Variants in PTPRF observed in about 807,000 individuals in gnomAD.
PTPRF encodes the protein protein tyrosine phosphatase receptor type F.
In PTPRF, 59 loss-of-function variants were observed where a neutral mutation model predicts 201.8. The ratio of observed to expected loss-of-function variants is 0.29; its 90% CI spans 0.24 to 0.36. The LOEUF is 0.36. PTPRF is among the 10% of genes least tolerant of loss of function. The pLI, the probability that PTPRF is intolerant of heterozygous loss-of-function variation, is 1.00. For missense variants in PTPRF, 2,132 were observed against 2,690.5 expected (o/e 0.79, Z 4.59); for synonymous variants, 1,088 against 1,089.7 (o/e 1.00, Z 0.03).
rs750321259 is a variant in PTPRF, at chr1:43,602,065, G to C, written c.2314-6G>C. 3 of 1,612,742 alleles carry C rather than the reference G, an allele frequency of 1.9e-6. No individual in the cohort carries two copies. The highest frequency in any genetic ancestry group is 2.2e-5 in the South Asian group (2 of 91,060). On this transcript the variant is annotated splice_region_variant and splice_polypyrimidine_tract_variant and intron_variant, in intron 13 of 33. Transcript: ENST00000359947. Reference sequence around the variant, plus strand: ...GTCTCCCTTTCTCTCCCTCTCCCGCGGTCAGTGGCGGCCAGAGGAGTCCGA... The same window carrying C: ...GTCTCCCTTTCTCTCCCTCTCCCGCCGTCAGTGGCGGCCAGAGGAGTCCGA...
chr1:43,555,730 C>T (rs911489647), intron 5 of PTPRF, among the ~76,000 whole-genome samples: 6 of 152,194 alleles, frequency 3.9e-5, no homozygotes, highest in Non-Finnish European at 7.3e-5. Flanking sequence ...AGGCGTGAGC[C>T]ACCACGTCCA....
chr1:43,609,958 A>G (rs1570630232), intron 22 of PTPRF, among the ~76,000 whole-genome samples: 1 of 152,188 alleles, frequency 6.6e-6, no homozygotes, highest in East Asian at 1.9e-4. Context: ...CAGGTTTACC[A>G]TACCACGTAC....
At chr1:43,565,057 T>G (rs1051684185) in intron 5 of PTPRF, among the ~76,000 whole-genome samples, 1 of 151,828 alleles carries the variant, frequency 6.6e-6, no homozygotes, top group Non-Finnish European at 1.5e-5. Flanking sequence ...TCCCACCACC[T>G]TCCCCCACAA....
intron 5 of PTPRF, among the ~76,000 whole-genome samples, chr1:43,557,328 G>T (rs1168408462): frequency 1.3e-5 from 2 of 152,186 alleles, no homozygotes; most frequent in African/African-American, 4.8e-5. Context: ...GGGTGAGGAG[G>T]ACGGACTTCA....
intron 5 of PTPRF, among the ~76,000 whole-genome samples, chr1:43,555,785 C>G (rs10890253): frequency 0.71 from 108,473 of 152,066 alleles, 39,189 homozygotes; most frequent in Non-Finnish European, 0.78. Flanking sequence ...CTGTCACATG[C>G]AAGTACCCTA....
At chr1:43,528,122 G>T (rs1570816390), upstream of PTPRF, among the ~76,000 whole-genome samples, 1 of 152,210 alleles carries the variant, frequency 6.6e-6, no homozygotes, top group Admixed American at 6.5e-5. Flanking sequence ...CTTCCTGGAG[G>T]AAACAATGGT....
intron 5 of PTPRF, among the ~76,000 whole-genome samples, chr1:43,557,172 G>T (rs1048701041): frequency 6.6e-6 from 1 of 152,326 alleles, no homozygotes; most frequent in East Asian, 1.9e-4. Flanking sequence ...GGGGAACAGG[G>T]CCTCCTTGTT....
chr1:43,610,051 A>C (rs1242980172), intron 22 of PTPRF, among the ~76,000 whole-genome samples: 1 of 152,124 alleles, frequency 6.6e-6, no homozygotes, highest in African/African-American at 2.4e-5. Context: ...CACCCAGCAG[A>C]CACAGCTCAG....
chr1:43,607,615 C>T (rs1655440618), intron 21 of PTPRF, among the ~76,000 whole-genome samples: 1 of 152,236 alleles, frequency 6.6e-6, no homozygotes. Flanking sequence ...CAGTTTAAAA[C>T]CTTTTGATGG....
At chr1:43,595,442 G>A (rs971977504) in intron 11 of PTPRF, among the ~76,000 whole-genome samples, 3 of 152,084 alleles carry the variant, frequency 2.0e-5, no homozygotes, top group Non-Finnish European at 4.4e-5. Context: ...GGGTGGTCTG[G>A]ATCTCCTGAC....
At chr1:43,581,290 C>T (rs1425481213) in intron 7 of PTPRF, among the ~76,000 whole-genome samples, 1 of 152,202 alleles carries the variant, frequency 6.6e-6, no homozygotes, top group African/African-American at 2.4e-5. Context: ...TACGGGGGTT[C>T]CTTTAGTTCC....
Position 43,605,008 on chromosome 1 carries a change from A to C in PTPRF, c.3135+8A>C. On this transcript the variant is annotated splice_region_variant and intron_variant, in intron 17 of 33. Transcript: ENST00000359947. ...TCAGCTGTGCCCTTTAAGGTGAGTA[A>C]GGGCCACGGCCAGCTGAGCCTGGCA... 6.2e-7 allele frequency: 1 copy of C among 1,613,314 alleles called. No individual in the cohort carries two copies. Among genetic ancestry groups the C allele is most frequent in the African/African-American group, 1.3e-5 (1 of 75,036 alleles).
intron 22 of PTPRF, among the ~76,000 whole-genome samples, chr1:43,611,368 C>G (rs952633775): frequency 2.0e-5 from 3 of 152,232 alleles, no homozygotes; most frequent in African/African-American, 7.2e-5. Context: ...TGGGAGAGAG[C>G]TCCTCAGTGG....
chr1:43,621,048 C>T (rs760066435), intron 32 of PTPRF, 49 bp from the exon 33 acceptor site: 7 of 1,610,750 alleles, frequency 4.3e-6, no homozygotes, highest in Non-Finnish European at 5.9e-6. Flanking sequence ...CTGGCAGACC[C>T]ACTGCATGAG....
chr1:43,601,034 A>G (rs1477887521), intron 13 of PTPRF, among the ~76,000 whole-genome samples: 3 of 152,200 alleles, frequency 2.0e-5, no homozygotes, highest in African/African-American at 7.2e-5. Context: ...GCCATGCACT[A>G]AGGACCTGTC....
At chr1:43,597,261 CTA>C (rs1278682835) in intron 11 of PTPRF, among the ~76,000 whole-genome samples, 2 of 151,994 alleles carry the variant, frequency 1.3e-5, no homozygotes, top group African/African-American at 4.8e-5. Context: ...GTGTGAAACA[CTA>C]TATGACACTG....
intron 22 of PTPRF, chr1:43,612,849 C>T: frequency 7.6e-7 from 1 of 1,311,942 alleles, no homozygotes; most frequent in Non-Finnish European, 1.0e-6. Flanking sequence ...GCTTCTGTGT[C>T]TGTTTCCACT....
At chr1:43,562,391 A>G (rs1282334292) in intron 5 of PTPRF, among the ~76,000 whole-genome samples, 1 of 151,814 alleles carries the variant, frequency 6.6e-6, no homozygotes, top group Admixed American at 6.6e-5. Flanking sequence ...TATAGGCGTG[A>G]GCCACCGCGC....
chr1:43,558,576 C>G (rs1645557412), intron 5 of PTPRF, among the ~76,000 whole-genome samples: 1 of 152,238 alleles, frequency 6.6e-6, no homozygotes, highest in Non-Finnish European at 1.5e-5. Flanking sequence ...CCCAGCGTTC[C>G]TGTCTGAGTG....
Sources: gnomAD v4.1 joint callset for allele counts (sites outside exome capture counted in the v4.1 genomes callset) on GRCh38, gnomAD v4.1.1 for gene constraint, MANE v1.5 for transcripts, NCBI Gene and HGNC (gene_info 2026-07-23, HGNC 2026-07-21) for gene names.